RPH3A: variants seen among roughly 807,000 people sequenced by gnomAD.
RPH3A encodes the protein rabphilin-3A.
In RPH3A, 48 loss-of-function variants were observed where a neutral mutation model predicts 102.2. The observed-to-expected ratio is 0.47, with a 90% CI of 0.37 to 0.60. The LOEUF is 0.60. RPH3A is among the 20% of genes least tolerant of loss of function. The pLI, the probability that RPH3A is intolerant of heterozygous loss-of-function variation, is 0.00. For missense variants in RPH3A, 781 were observed against 910.1 expected, an observed-to-expected ratio of 0.86 and a Z score of 1.83; for synonymous variants, 310 against 324.3, an observed-to-expected ratio of 0.96 and a Z score of 0.47.
chr12:112,806,061 T>C lies in RPH3A; in HGVS notation c.-19+13798T>C, dbSNP rs992616803. Among the ~76,000 whole-genome samples, 3 of 152,222 alleles carry C rather than the reference T, an allele frequency of 2.0e-5. No individual in the cohort carries two copies. The South Asian group carries it at 6.2e-4, about 32-fold the overall frequency. On this transcript the variant is annotated intron_variant, in intron 2 of 21. Coordinates refer to ENST00000389385, the MANE Select transcript of RPH3A (RefSeq NM_001143854.2). ...CTTAAAACCACATGGTTATATAAAA[T>C]AAACCATTCACCCACACAACTGTTC...
At chr12:112,872,646 C>T (rs1314542009) in intron 10 of RPH3A, among the ~76,000 whole-genome samples, 2 of 151,980 alleles carry the variant, frequency 1.3e-5, no homozygotes, top group African/African-American at 4.8e-5. Context: ...TGAAGAAGTT[C>T]CTTTATGTTT....
At position 112,785,625 on chromosome 12, in the gene RPH3A, AC is replaced by A. The variant is rs1252261242; in HGVS notation, c.-139-6517del. Among the ~76,000 whole-genome samples the A allele has an allele frequency of 2.0e-5, 3 of 152,280 alleles. No individual in the cohort carries two copies. In the East Asian group the frequency reaches 5.8e-4, roughly 29 times the overall value. Reference sequence around the variant, plus strand: ...GCCGGGCTCTGCTCTAAGTGCTTTAACGTATGTTAGCTAATGTGATCCTAAC... The same window carrying A: ...GCCGGGCTCTGCTCTAAGTGCTTTAAGTATGTTAGCTAATGTGATCCTAAC... On this transcript the variant is annotated intron_variant, in intron 1 of 21. Transcript: ENST00000543106.
chr12:112,800,258 C>T (rs1593013753), intron 2 of RPH3A, among the ~76,000 whole-genome samples: 2 of 152,194 alleles, frequency 1.3e-5, no homozygotes, highest in Admixed American at 1.3e-4. Flanking sequence ...GAGGAAATAG[C>T]CATGAGTAGA....
intron 1 of RPH3A, among the ~76,000 whole-genome samples, chr12:112,777,962 G>T (rs1415792256): frequency 2.0e-5 from 3 of 152,230 alleles, no homozygotes; most frequent in Non-Finnish European, 4.4e-5. Context: ...AGTGGTGAAT[G>T]CATAGGCCTG....
Position 112,854,826 on chromosome 12 carries a change from T to C in RPH3A, c.230+6984T>C, listed in dbSNP as rs895185408. On this transcript the variant is annotated intron_variant, in intron 5 of 21. Transcript: ENST00000389385. ...ACCAGACTTTGAACTTGAATCTGTC[T>C]TTCCACTTTATCCTATTGCTTTTGG... 2.0e-5 allele frequency among the ~76,000 whole-genome samples: 3 copies of C among 152,246 alleles called. No homozygotes were observed. The South Asian group carries it at 6.2e-4, about 32-fold the overall frequency.
intron 5 of RPH3A, among the ~76,000 whole-genome samples, chr12:112,855,869 G>GGT (rs1166320555): frequency 2.0e-5 from 3 of 152,206 alleles, no homozygotes; most frequent in South Asian, 4.2e-4. Flanking sequence ...TTGATGGTGT[G>GGT]GTGTGTGGTG....
intron 1 of RPH3A, among the ~76,000 whole-genome samples, chr12:112,696,881 G>A (rs2037979510): frequency 6.6e-6 from 1 of 151,834 alleles, no homozygotes; most frequent in Non-Finnish European, 1.5e-5. Flanking sequence ...AGCATTTTAT[G>A]TCATATGCTT....
intron 4 of RPH3A, among the ~76,000 whole-genome samples, chr12:112,841,249 G>A (rs2042138565): frequency 7.3e-6 from 1 of 137,076 alleles, no homozygotes; most frequent in Non-Finnish European, 1.6e-5. Context: ...AACAGTCAAA[G>A]TTCCTGAGAT....
chr12:112,777,302 G>T (rs2040975186), intron 1 of RPH3A, among the ~76,000 whole-genome samples: 1 of 152,144 alleles, frequency 6.6e-6, no homozygotes, highest in African/African-American at 2.4e-5. Context: ...TATTAATTTG[G>T]GTCCTCCTCA....
intron 1 of RPH3A, among the ~76,000 whole-genome samples, chr12:112,763,983 C>T (rs2040871513): frequency 6.6e-6 from 1 of 152,204 alleles, no homozygotes; most frequent in African/African-American, 2.4e-5. Flanking sequence ...CTTTAGGCAG[C>T]ATTTCCAGGC....
At chr12:112,874,397 A>T (rs2042759355) in intron 10 of RPH3A, among the ~76,000 whole-genome samples, 1 of 152,232 alleles carries the variant, frequency 6.6e-6, no homozygotes, top group African/African-American at 2.4e-5. Context: ...TAAAATGGAG[A>T]TCATAAGGCC....
chr12:112,779,796 G>C (rs1306169059), intron 1 of RPH3A, among the ~76,000 whole-genome samples: 2 of 152,144 alleles, frequency 1.3e-5, no homozygotes, highest in African/African-American at 4.8e-5. Context: ...AGTCCTTGCA[G>C]ATATAAACAC....
chr12:112,609,636 G>C (rs1427575611), intron 1 of RPH3A, among the ~76,000 whole-genome samples: 1 of 152,148 alleles, frequency 6.6e-6, no homozygotes, highest in African/African-American at 2.4e-5. Context: ...GACAGAGCTT[G>C]TTGTGAGACT....
At chr12:112,809,155 A>G (rs956284819) in intron 2 of RPH3A, among the ~76,000 whole-genome samples, 5 of 152,160 alleles carry the variant, frequency 3.3e-5, no homozygotes, top group African/African-American at 9.7e-5. Context: ...AAACCTCCCA[A>G]ACTAAGGATG....
chr12:112,760,044 C>G (rs548852702), intron 1 of RPH3A, among the ~76,000 whole-genome samples: 1 of 152,162 alleles, frequency 6.6e-6, no homozygotes, highest in Non-Finnish European at 1.5e-5. Context: ...GCCACTGCAG[C>G]CTGGCTTAGA....
At chr12:112,667,662 A>AAGAGAGAGAGAGAG (rs71086114) in intron 1 of RPH3A, among the ~76,000 whole-genome samples, 3 of 72,834 alleles carry the variant, frequency 4.1e-5, no homozygotes, top group Non-Finnish European at 8.6e-5. Context: ...GAGATGAATA[A>AAGAGAGAGAGAGAG]AGAGAGAGAG....
At chr12:112,837,668 T>C (rs2042075445) in intron 4 of RPH3A, 1 of 439,316 alleles carries the variant, frequency 2.3e-6, no homozygotes, top group Non-Finnish European at 4.6e-6. Context: ...TTCTATGAAA[T>C]CATGAATATA....
chr12:112,656,678 T>C (rs1427923492), intron 1 of RPH3A, among the ~76,000 whole-genome samples: 1 of 152,190 alleles, frequency 6.6e-6, no homozygotes, highest in Non-Finnish European at 1.5e-5. Context: ...CGATATTTGA[T>C]TTTCTGTTTC....
At chr12:112,671,199 A>G (rs1438170094) in intron 1 of RPH3A, among the ~76,000 whole-genome samples, 1 of 152,216 alleles carries the variant, frequency 6.6e-6, no homozygotes, top group African/African-American at 2.4e-5. Flanking sequence ...CTTCATATTA[A>G]TTAGATACAG....
Sources: gnomAD v4.1 joint callset for allele counts (sites outside exome capture counted in the v4.1 genomes callset) on GRCh38, gnomAD v4.1.1 for gene constraint, MANE v1.5 for transcripts, NCBI Gene and HGNC (gene_info 2026-07-23, HGNC 2026-07-21) for gene names.